Variants in SORBS3 observed in about 807,000 individuals in gnomAD.
The protein encoded by SORBS3 is sorbin and SH3 domain containing 3, also known as vinexin.
SORBS3 carries 69 observed loss-of-function variants against 98.0 expected under a neutral mutation model. That is an observed-to-expected ratio of 0.70 (90% CI 0.58 to 0.86). The LOEUF (loss-of-function observed/expected upper bound fraction) is 0.86. SORBS3 is among the 40% of genes least tolerant of loss of function. The pLI is 0.00. For missense variants in SORBS3, 954 were observed against 908.5 expected (o/e 1.05, Z -0.64); for synonymous variants, 394 against 355.4 (o/e 1.11, Z -1.22).
intron 6 of SORBS3, 40 bp downstream of exon 6, chr8:22,561,413 G>C: frequency 1.2e-6 from 2 of 1,610,336 alleles, no homozygotes; most frequent in Non-Finnish European, 1.7e-6. Flanking sequence ...ATAGCCCTGC[G>C]CCTGCGTCCG....
At chr8:22,567,004 G>A in intron 15 of SORBS3, 57 bp from the exon 16 acceptor site, 1 of 1,566,132 alleles carries the variant, frequency 6.4e-7, no homozygotes, top group South Asian at 1.1e-5. Context: ...AGGGTCTGAA[G>A]GGAAGGAGGC....
chr8:22,549,312 C>G (rs565678134), upstream of SORBS3, among the ~76,000 whole-genome samples: 1 of 152,154 alleles, frequency 6.6e-6, no homozygotes, highest in East Asian at 1.9e-4. Context: ...GACAGCCAGC[C>G]GGCCAGCCGC....
chr8:22,573,431 G>A lies in SORBS3; in HGVS notation c.1954+985G>A, dbSNP rs879267576. ...GACCTGTGCCCTTTCCGGTATGGCA[G>A]CCACCGGCGGCATTCAGCTGTTGAA... On this transcript the variant is annotated intron_variant, in intron 20 of 20. Coordinates refer to ENST00000240123, the MANE Select transcript of SORBS3 (RefSeq NM_005775.5). The A allele has an allele frequency of 6.8e-5, 31 of 454,848 alleles. No homozygotes were observed. The East Asian group carries it at 1.1e-3, about 16-fold the overall frequency. 28.2% of individuals were successfully genotyped at this position (454,848 alleles called of 1,614,324 possible). A position where few individuals can be genotyped will look rare whatever the true frequency, so the allele number is the denominator to read the frequency against.
At position 22,567,190 on chromosome 8, in the gene SORBS3, C is replaced by G. The variant is rs767012981; in HGVS notation, c.1305+15C>G. On this transcript the variant is annotated intron_variant, in intron 16 of 20. Transcript: ENST00000240123. ...ATTATGTGGAGGTGAGCAGGAGAGA[C>G]AAGAGCAAGTGGGGCTGGGCTGGGA... 2 of 1,385,932 alleles carry G rather than the reference C, an allele frequency of 1.4e-6. No homozygotes were observed. The highest frequency in any genetic ancestry group is 2.0e-6 in the Non-Finnish European group (2 of 976,388). The allele number at this position is 1,385,932 out of a possible 1,614,324, so 85.9% of individuals were successfully genotyped here.
rs766298364 is a variant in SORBS3 at position 22,561,900 on chromosome 8, C to G, written c.553C>G (p.His185Asp). 6.2e-7 allele frequency: 1 copy of G among 1,614,170 alleles called. No individual in the cohort carries two copies. The highest frequency in any genetic ancestry group is 1.7e-5 in the Admixed American group (1 of 60,036). Residue 185 changes from histidine (H) to aspartate (D), a missense_variant, in exon 7 of 21, where the codon CAC (histidine) becomes GAC (aspartate). Coordinates refer to ENST00000240123, the MANE Select transcript of SORBS3 (RefSeq NM_005775.5). The part of the protein sequence containing the change: ...RHLGAQQRPA[H>D]RPGPATSSSG... The stretch of plus-strand genomic sequence containing the variant: ...TCTAGGAGCCCAGCAAAGACCTGCC[C>G]ACAGGCCCGGCCCGGCAACATCTTC...
chr8:22,549,741 C>G (rs760412825), upstream of SORBS3, among the ~76,000 whole-genome samples: 5 of 152,224 alleles, frequency 3.3e-5, no homozygotes, highest in Non-Finnish European at 7.3e-5. Flanking sequence ...CCGCCTCCTC[C>G]TGCAAAGCTG....
At chr8:22,552,708 G>A (rs561061180) in intron 1 of SORBS3, among the ~76,000 whole-genome samples, 1 of 152,348 alleles carries the variant, frequency 6.6e-6, no homozygotes, top group East Asian at 1.9e-4. Flanking sequence ...CCAGGCGGCA[G>A]CTGCTGAGCT....
At position 22,561,512 on chromosome 8, in the gene SORBS3, T is replaced by C. The variant is rs764853899; in HGVS notation, c.517+139T>C. Reference sequence around the variant, plus strand: ...CAACCTGAGAGGTTTTTATAGCTCATTTCCAGAGCACTTCAAATCCCCCGG... The same window carrying C: ...CAACCTGAGAGGTTTTTATAGCTCACTTCCAGAGCACTTCAAATCCCCCGG... On this transcript the variant is annotated intron_variant, in intron 6 of 20. Coordinates refer to ENST00000240123, the MANE Select transcript of SORBS3 (RefSeq NM_005775.5). 2.4e-5 allele frequency: 21 copies of C among 880,586 alleles called. No individual in the cohort carries two copies. In the Admixed American group the frequency reaches 4.5e-4, roughly 19 times the overall value. 54.5% of individuals were successfully genotyped at this position (880,586 alleles called of 1,614,324 possible).
chr8:22,566,312 A>G (rs370938531), intron 12 of SORBS3, 33 bp from the exon 13 acceptor site: 172 of 1,603,826 alleles, frequency 1.1e-4, no homozygotes, highest in Middle Eastern at 1.7e-4. Flanking sequence ...GCGGAGCCCC[A>G]GGCTGGAGGC....
At chr8:22,551,367 CCTCATCTCG>C (rs1186651700), upstream of SORBS3, among the ~76,000 whole-genome samples, 1 of 152,132 alleles carries the variant, frequency 6.6e-6, no homozygotes, top group African/African-American at 2.4e-5. This position sits in a 1 kb window ranked among gnomAD's most constrained non-coding sequence, Gnocchi z 5.8. Flanking sequence ...TGCGGGGCGC[CCTCATCTCG>C]CTCCCGGCCT....
intron 20 of SORBS3, among the ~76,000 whole-genome samples, chr8:22,574,410 C>G (rs199691936): frequency 1.8e-4 from 27 of 151,912 alleles, no homozygotes; most frequent in African/African-American, 6.3e-4. Flanking sequence ...GGGAGTGACT[C>G]TGCTGTGTAC....
At chr8:22,564,705 T>C in intron 10 of SORBS3, 184 bp downstream of exon 10, 1 of 1,385,702 alleles carries the variant, frequency 7.2e-7, no homozygotes, top group Non-Finnish European at 9.5e-7. Flanking sequence ...TCAGTAAACA[T>C]GTGTTAAATA....
At chr8:22,569,330 A>G (rs919936366) in intron 17 of SORBS3, 57 bp downstream of exon 17, 5 of 1,417,208 alleles carry the variant, frequency 3.5e-6, no homozygotes, top group Non-Finnish European at 3.7e-6. Flanking sequence ...GTAGGTAAAT[A>G]TGTGCACTAA....
chr8:22,572,578 TG>T (rs577038864), intron 20 of SORBS3, 132 bp downstream of exon 20: 7 of 712,004 alleles, frequency 9.8e-6, no homozygotes, highest in Admixed American at 2.3e-5. Context: ...GCCGGGCTAC[TG>T]GGGGGGCCTG....
At chr8:22,563,754 A>G (rs1035000646) in intron 7 of SORBS3, among the ~76,000 whole-genome samples, 14 of 152,334 alleles carry the variant, frequency 9.2e-5, no homozygotes, top group Middle Eastern at 3.4e-3. Context: ...TGAGGCTCTG[A>G]GGGATCAGTA....
At chr8:22,551,284 G>A (rs903327763), upstream of SORBS3, among the ~76,000 whole-genome samples, 47 of 146,460 alleles carry the variant, frequency 3.2e-4, 2 homozygotes, top group African/African-American at 1.1e-3. This position sits in a 1 kb window ranked among gnomAD's most constrained non-coding sequence, Gnocchi z 5.8. Flanking sequence ...GCCGCGCGCC[G>A]CCGCAGGCAC....
chr8:22,567,800 T>C (rs1840464007), intron 16 of SORBS3, among the ~76,000 whole-genome samples: 1 of 152,214 alleles, frequency 6.6e-6, no homozygotes, highest in African/African-American at 2.4e-5. Context: ...TTATAGTCTC[T>C]TACTATCCTT....
At chr8:22,560,883 A>T (rs796606967) in intron 5 of SORBS3, 3 of 140,214 alleles carry the variant, frequency 2.1e-5, no homozygotes, top group Non-Finnish European at 3.1e-5. Flanking sequence ...GCGCGCGCGC[A>T]CGCGCCGTGG....
chr8:22,566,617 C>T, intron 13 of SORBS3, 44 bp from the exon 14 acceptor site: 2 of 1,584,514 alleles, frequency 1.3e-6, no homozygotes, highest in Middle Eastern at 1.7e-4. Context: ...CAACCCCATC[C>T]CCCAGGTATG....
Sources: gnomAD v4.1 joint callset for allele counts (sites outside exome capture counted in the v4.1 genomes callset) on GRCh38, gnomAD v4.1.1 for gene constraint, Gnocchi (gnomAD v3.1) non-coding constraint, MANE v1.5 for transcripts, NCBI Gene and HGNC (gene_info 2026-07-23, HGNC 2026-07-21) for gene names.